The following BCKDHB variants were observed in gnomAD, a reference collection of about 807,000 sequenced individuals.
The protein encoded by BCKDHB is 2-oxoisovalerate dehydrogenase subunit beta, mitochondrial.
Under a neutral mutation model 48.5 loss-of-function variants are expected in BCKDHB, and 41 were observed. The observed-to-expected ratio is 0.85, with a 90% CI of 0.66 to 1.10. The LOEUF (loss-of-function observed/expected upper bound fraction) is 1.10. Among genes scored for constraint, BCKDHB ranks in the 50% least tolerant of loss-of-function variants. The probability of loss-of-function intolerance (pLI) is 0.00; values close to 1 mark genes in which losing one functional copy is unlikely to be tolerated. For missense variants in BCKDHB, 496 were observed against 494.2 expected (o/e 1.00, Z -0.03); for synonymous variants, 201 against 174.8 (o/e 1.15, Z -1.18).
chr6:80,440,702 C>T, the BCKDHB span: 20 of 151,574 alleles, frequency 1.3e-4, no homozygotes, highest in Admixed American at 8.6e-4. Flanking sequence ...ACTCAGTCAT[C>T]GCTAAGGACT....
chr6:80,261,399 A>G (rs1027498364), intron 8 of BCKDHB, among the ~76,000 whole-genome samples: 2 of 151,864 alleles, frequency 1.3e-5, no homozygotes, highest in Admixed American at 6.6e-5. Flanking sequence ...TGGCCAGGGG[A>G]GGAGGGGGAA....
intron 3 of BCKDHB, among the ~76,000 whole-genome samples, chr6:80,143,255 G>T (rs899952935): frequency 2.0e-5 from 3 of 152,114 alleles, no homozygotes; most frequent in Non-Finnish European, 2.9e-5. Context: ...AGTTGATATT[G>T]TCACTTACCT....
At chr6:80,449,263 T>A in the BCKDHB span, among the ~76,000 whole-genome samples, 1 of 152,190 alleles carries the variant, frequency 6.6e-6, no homozygotes, top group Non-Finnish European at 1.5e-5. Context: ...TGAAGACAGA[T>A]GATTACTTCC....
the BCKDHB span, among the ~76,000 whole-genome samples, chr6:80,378,312 T>C: frequency 6.6e-6 from 1 of 152,166 alleles, no homozygotes; most frequent in Non-Finnish European, 1.5e-5. Context: ...TAGCTCCCTC[T>C]TCTAAATGAG....
intron 9 of BCKDHB, among the ~76,000 whole-genome samples, chr6:80,308,597 C>CTTTT (rs34359456): frequency 7.2e-5 from 10 of 138,636 alleles, no homozygotes; most frequent in South Asian, 2.3e-4. Flanking sequence ...TCTTCTTCTT[C>CTTTT]TTTTTTTTTT....
the BCKDHB span, among the ~76,000 whole-genome samples, chr6:80,435,832 G>A: frequency 6.6e-6 from 1 of 152,118 alleles, no homozygotes. Context: ...CAGAGTTCGA[G>A]ACCAGCCTGA....
At chr6:80,162,922 C>T (rs1242031218) in intron 3 of BCKDHB, among the ~76,000 whole-genome samples, 1 of 151,546 alleles carries the variant, frequency 6.6e-6, no homozygotes, top group Non-Finnish European at 1.5e-5. Flanking sequence ...CTTCTCTTCT[C>T]TCTCTCTCTT....
rs1056140548 is a variant in BCKDHB, at chr6:80,106,872, C to T, written c.179C>T (p.Pro60Leu). The T allele has an allele frequency of 1.9e-6, 3 of 1,608,104 alleles. No individual in the cohort carries two copies. Among genetic ancestry groups the T allele is most frequent in the East Asian group, 2.2e-5 (1 of 44,706 alleles). ...GCTCATTTTACTTTCCAGCCAGATCCGGAGCCCCGGGAGTACGGTGAGCCC... is the reference window on the plus strand; with the variant it reads ...GCTCATTTTACTTTCCAGCCAGATCTGGAGCCCCGGGAGTACGGTGAGCCC... ...QVAHFTFQPD[P>L]EPREYGQTQK... The change falls in exon 1 of 10, where the codon CCG (proline) becomes CTG (leucine). Residue 60 changes from proline (P) to leucine (L), a missense_variant. Transcript: ENST00000320393.
intron 3 of BCKDHB, among the ~76,000 whole-genome samples, chr6:80,156,899 G>T (rs1326165712): frequency 6.6e-6 from 1 of 152,132 alleles, no homozygotes; most frequent in South Asian, 2.1e-4. Flanking sequence ...AATTGGTTAG[G>T]TAGTTACTTT....
intron 9 of BCKDHB, among the ~76,000 whole-genome samples, chr6:80,316,021 A>G (rs752901109): frequency 2.4e-4 from 36 of 152,172 alleles, no homozygotes; most frequent in Non-Finnish European, 1.3e-4. Context: ...AAAAGTGAAA[A>G]TATCTTTCGG....
At chr6:80,166,037 T>C (rs1772552341) in intron 3 of BCKDHB, among the ~76,000 whole-genome samples, 1 of 152,182 alleles carries the variant, frequency 6.6e-6, no homozygotes. Context: ...TCCTGACTCA[T>C]AGACTGGGGA....
the BCKDHB span, among the ~76,000 whole-genome samples, chr6:80,428,259 A>G: frequency 6.6e-6 from 1 of 152,116 alleles, no homozygotes; most frequent in African/African-American, 2.4e-5. Flanking sequence ...CATTTTCTTA[A>G]TCCAGTCTAT....
chr6:80,370,703 C>G, the BCKDHB span, among the ~76,000 whole-genome samples: 1 of 151,778 alleles, frequency 6.6e-6, no homozygotes, highest in Non-Finnish European at 1.5e-5. Context: ...CCAATTCATT[C>G]TGGGTTGCTG....
chr6:80,374,678 T>A, the BCKDHB span: 4 of 403,130 alleles, frequency 9.9e-6, no homozygotes, highest in Non-Finnish European at 1.8e-5. Flanking sequence ...GAGGTACTAT[T>A]CTATTCACCA....
At chr6:80,343,478 CATA>C (rs562285958) in intron 9 of BCKDHB, 183 bp from the exon 10 acceptor site, 18 of 656,290 alleles carry the variant, frequency 2.7e-5, no homozygotes, top group Non-Finnish European at 4.7e-5. Context: ...CATGAAAACA[CATA>C]ATAAAACTGG....
chr6:80,294,095 T>G (rs1202384742), intron 9 of BCKDHB, among the ~76,000 whole-genome samples: 2 of 152,196 alleles, frequency 1.3e-5, no homozygotes, highest in Non-Finnish European at 2.9e-5. Flanking sequence ...AATTCCAAAG[T>G]CAGTTCCACA....
the BCKDHB span, among the ~76,000 whole-genome samples, chr6:80,377,234 G>T: frequency 6.6e-6 from 1 of 151,968 alleles, no homozygotes; most frequent in Non-Finnish European, 1.5e-5. Flanking sequence ...TAGAGACGAG[G>T]TTTCACCATA....
Position 80,273,206 on chromosome 6 carries a change from C to T in BCKDHB, c.1023C>T (p.Ile341=). 1 of 1,613,430 alleles carries T rather than the reference C, an allele frequency of 6.2e-7. No individual in the cohort carries two copies. Among genetic ancestry groups the T allele is most frequent in the Non-Finnish European group, 8.5e-7 (1 of 1,179,558 alleles). ...APLTGGFASE[I]SSTVQEECFL... Reference sequence around the variant, plus strand: ...TGACAGGCGGCTTTGCATCGGAAATCAGCTCTACAGTTCAGGTAGAGTAAT... The same window carrying T: ...TGACAGGCGGCTTTGCATCGGAAATTAGCTCTACAGTTCAGGTAGAGTAAT... Residue 341 remains isoleucine (I), a synonymous_variant, in exon 9 of 10, where the codon ATC becomes ATT. Transcript: ENST00000320393.
the BCKDHB span, among the ~76,000 whole-genome samples, chr6:80,416,406 G>T: frequency 2.6e-5 from 4 of 152,022 alleles, no homozygotes; most frequent in Admixed American, 2.6e-4. Flanking sequence ...ACATTTTGAT[G>T]TGGTCATATA....
Sources: gnomAD v4.1 joint callset for allele counts (sites outside exome capture counted in the v4.1 genomes callset) on GRCh38, gnomAD v4.1.1 for gene constraint, MANE v1.5 for transcripts, NCBI Gene and HGNC (gene_info 2026-07-23, HGNC 2026-07-21) for gene names.